The following PCDHA4 variants were observed in gnomAD, a reference collection of about 807,000 sequenced individuals.
PCDHA4 encodes protocadherin alpha 4.
A neutral mutation model predicts 61.4 loss-of-function variants in PCDHA4; 49 were observed. The ratio of observed to expected loss-of-function variants is 0.80; its 90% CI spans 0.63 to 1.01. The LOEUF is 1.01. PCDHA4 is among the 50% of genes least tolerant of loss of function. PCDHA4 has a pLI of 0.00. For synonymous variants in PCDHA4, 590 were observed against 550.3 expected (o/e 1.07, Z -1.01); for missense variants, 1,254 against 1,235.8 (o/e 1.01, Z -0.22).
rs905171455 is a variant in PCDHA4 at position 140,851,815 on chromosome 5, A to G, written c.2385+42243A>G. The G allele has an allele frequency of 3.6e-5, 34 of 956,734 alleles. 1 individual carries two copies. Among genetic ancestry groups the G allele is most frequent in the Non-Finnish European group, 5.1e-6 (4 of 790,598 alleles). The allele number at this position is 956,734 out of a possible 1,614,324, so 59.3% of individuals were successfully genotyped here. Reference sequence around the variant, plus strand: ...TTGTTCTGTCAGTAATCCATAAGACAGAAATCTGTTTTTTTAAAAATATCT... The same window carrying G: ...TTGTTCTGTCAGTAATCCATAAGACGGAAATCTGTTTTTTTAAAAATATCT... On this transcript the variant is annotated intron_variant, in intron 1 of 3. Coordinates refer to ENST00000530339, the MANE Select transcript of PCDHA4 (RefSeq NM_018907.4).
At chr5:140,992,954 C>T (rs1174073844) in intron 3 of PCDHA4, among the ~76,000 whole-genome samples, 4 of 152,190 alleles carry the variant, frequency 2.6e-5, no homozygotes, top group Non-Finnish European at 5.9e-5. Context: ...TTAAATCACC[C>T]CTTATACTGC....
At chr5:140,941,191 T>TTTCTTTCTTTC (rs1487503403) in intron 1 of PCDHA4, among the ~76,000 whole-genome samples, 64 of 93,246 alleles carry the variant, frequency 6.9e-4, no homozygotes, top group South Asian at 4.2e-3. Context: ...GCTTCTTTTT[T>TTTCTTTCTTTC]TTTCTTTCTT....
At chr5:140,955,552 C>T (rs1554221978) in intron 1 of PCDHA4, among the ~76,000 whole-genome samples, 2 of 152,092 alleles carry the variant, frequency 1.3e-5, no homozygotes, top group African/African-American at 4.8e-5. Flanking sequence ...TTGAGGCCTC[C>T]CCAGCCATAC....
At chr5:140,871,840 C>G (rs1214510248) in intron 1 of PCDHA4, among the ~76,000 whole-genome samples, 1 of 152,256 alleles carries the variant, frequency 6.6e-6, no homozygotes, top group Admixed American at 6.5e-5. Context: ...CTCTAAACTT[C>G]AATTATGACC....
At chr5:140,834,336 ATTCGAAGGCAAGTTTTGCTGACTAG>A in intron 1 of PCDHA4, 1 of 1,499,956 alleles carries the variant, frequency 6.7e-7, no homozygotes, top group Non-Finnish European at 9.0e-7. Context: ...ATTCCTATAA[ATTCGAAGGCAAGTTTTGCTGACTAG>A]AAAAACAAGC....
chr5:141,002,612 CA>C, intron 3 of PCDHA4, among the ~76,000 whole-genome samples: 1 of 152,178 alleles, frequency 6.6e-6, no homozygotes, highest in Non-Finnish European at 1.5e-5. Flanking sequence ...AAAACAGACA[CA>C]TAACACAGAC....
chr5:140,831,254 T>C (rs1298063244), intron 1 of PCDHA4: 1 of 152,260 alleles, frequency 6.6e-6, no homozygotes, highest in Non-Finnish European at 1.5e-5. Context: ...CTCTTATTTC[T>C]GTTTGAATTT....
At chr5:140,886,545 C>T (rs894582397) in intron 1 of PCDHA4, among the ~76,000 whole-genome samples, 5 of 151,964 alleles carry the variant, frequency 3.3e-5, no homozygotes, top group Non-Finnish European at 7.4e-5. Flanking sequence ...AAGGTCTTCC[C>T]AGCTGGGCAC....
At chr5:140,854,589 AG>A (rs1479719574) in intron 1 of PCDHA4, 1 of 150,000 alleles carries the variant, frequency 6.7e-6, no homozygotes, top group African/African-American at 2.4e-5. Flanking sequence ...TAATAAAAAA[AG>A]TTTAAAGTAA....
At chr5:140,990,772 C>T (rs1554251728) in intron 3 of PCDHA4, among the ~76,000 whole-genome samples, 1 of 152,164 alleles carries the variant, frequency 6.6e-6, no homozygotes, top group African/African-American at 2.4e-5. Context: ...AAATTTGGCT[C>T]TGTGTTGGAC....
chr5:140,829,681 G>C (rs2150172454), intron 1 of PCDHA4: 1 of 1,613,236 alleles, frequency 6.2e-7, no homozygotes, highest in Non-Finnish European at 8.5e-7. Flanking sequence ...AGCTAGAGCT[G>C]CTGCAGTTTC....
chr5:140,853,597 G>A lies in PCDHA4; in HGVS notation c.2385+44025G>A, dbSNP rs2042800183. 3.0e-6 allele frequency: 3 copies of A among 986,998 alleles called. 1 individual carries two copies. The highest frequency in any genetic ancestry group is 3.7e-6 in the Non-Finnish European group (3 of 819,142). The allele number at this position is 986,998 out of a possible 1,614,324, so 61.1% of individuals were successfully genotyped here. A position where few individuals can be genotyped will look rare whatever the true frequency, so the allele number is the denominator to read the frequency against. On this transcript the variant is annotated intron_variant, in intron 1 of 3. Transcript: ENST00000530339. ...ACCCAATATCTTAGACACTTTGAGA[G>A]CAAAGGGGGTGCTGTAAATAAGTAT... is the stretch of plus-strand genomic sequence containing the variant.
At chr5:140,822,792 C>A in intron 1 of PCDHA4, 1 of 1,614,074 alleles carries the variant, frequency 6.2e-7, no homozygotes, top group East Asian at 2.2e-5. Flanking sequence ...TAGTGAAACT[C>A]CTGGATGTGA....
chr5:140,971,928 T>C (rs1318885872), intron 1 of PCDHA4, among the ~76,000 whole-genome samples: 1 of 152,186 alleles, frequency 6.6e-6, no homozygotes, highest in Non-Finnish European at 1.5e-5. Flanking sequence ...GCTAGTGTTA[T>C]TTTAAGTTGT....
At chr5:140,892,349 T>C (rs1266203354) in intron 1 of PCDHA4, among the ~76,000 whole-genome samples, 2 of 152,248 alleles carry the variant, frequency 1.3e-5, no homozygotes, top group Admixed American at 6.5e-5. Context: ...TAATTGACTT[T>C]TGCCAGGCAT....
chr5:140,907,598 A>G (rs2073483512), intron 1 of PCDHA4, among the ~76,000 whole-genome samples: 1 of 152,198 alleles, frequency 6.6e-6, no homozygotes, highest in Admixed American at 6.5e-5. Context: ...CACCCTGAGG[A>G]ATGGTGCCAT....
intron 1 of PCDHA4, chr5:140,852,541 G>T: frequency 3.7e-6 from 2 of 544,548 alleles, no homozygotes; most frequent in Middle Eastern, 9.4e-4. Context: ...CTCCCAAAGT[G>T]CTGGGATTAA....
intron 1 of PCDHA4, chr5:140,877,065 G>T (rs782807909): frequency 6.2e-7 from 1 of 1,613,044 alleles, no homozygotes; most frequent in Non-Finnish European, 8.5e-7. Flanking sequence ...TGGAGCTGCT[G>T]CAGTTCCAGG....
At chr5:140,943,908 C>G (rs1554216015) in intron 1 of PCDHA4, among the ~76,000 whole-genome samples, 1 of 152,198 alleles carries the variant, frequency 6.6e-6, no homozygotes, top group Admixed American at 6.5e-5. Context: ...GTCATGAGCA[C>G]TTTAGCATGA....
Sources: gnomAD v4.1 joint callset for allele counts (sites outside exome capture counted in the v4.1 genomes callset) on GRCh38, gnomAD v4.1.1 for gene constraint, MANE v1.5 for transcripts, NCBI Gene and HGNC (gene_info 2026-07-23, HGNC 2026-07-21) for gene names.